The following AFF3 variants were observed in gnomAD, a reference collection of about 807,000 sequenced individuals.
AFF3 encodes ALF transcription elongation factor 3.
In AFF3, 32 loss-of-function variants were observed where a neutral mutation model predicts 129.7. The ratio of observed to expected loss-of-function variants is 0.25; its 90% CI spans 0.19 to 0.33. AFF3 has a LOEUF of 0.33. Ranked by LOEUF, AFF3 falls within the 10% of genes least tolerant of loss-of-function variation. The pLI is 1.00. For synonymous variants in AFF3, 644 were observed against 635.4 expected (o/e 1.01, Z -0.20); for missense variants, 1,373 against 1,592.0 (o/e 0.86, Z 2.34).
chr2:99,558,371 A>G (rs1675144717), intron 22 of AFF3, among the ~76,000 whole-genome samples: 1 of 152,182 alleles, frequency 6.6e-6, no homozygotes. Context: ...CTGTATTCCT[A>G]GCACTCTGGG....
chr2:99,987,308 T>C (rs1351029535), intron 7 of AFF3, among the ~76,000 whole-genome samples: 1 of 152,202 alleles, frequency 6.6e-6, no homozygotes, highest in African/African-American at 2.4e-5. Context: ...GCGAAAGTCA[T>C]AGACGATGTG....
rs562424568 is a variant in AFF3 at position 99,736,901 on chromosome 2, C to T, written c.1039+7203G>A. ...CTGGGATTACAGGCGTGAGCCACCA[C>T]GCCCGGCCTTTAAATTACTGATTTA... On this transcript the variant is annotated intron_variant, in intron 10 of 24. Transcript: ENST00000672756. 4.6e-5 allele frequency among the ~76,000 whole-genome samples: 7 copies of T among 152,288 alleles called. No individual in the cohort carries two copies. In the South Asian group the frequency reaches 8.3e-4, roughly 18 times the overall value.
intron 13 of AFF3, among the ~76,000 whole-genome samples, chr2:99,628,112 G>A (rs1317499490): frequency 1.3e-5 from 2 of 152,166 alleles, no homozygotes; most frequent in Non-Finnish European, 2.9e-5. Flanking sequence ...GAATGTCAAT[G>A]GTAGTTTAAT....
intron 7 of AFF3, among the ~76,000 whole-genome samples, chr2:99,840,053 T>C (rs1337403752): frequency 6.6e-6 from 1 of 152,242 alleles, no homozygotes; most frequent in African/African-American, 2.4e-5. Context: ...GCTTTGTATA[T>C]TCTGGATATC....
chr2:99,942,320 G>C (rs1048861222), intron 7 of AFF3, among the ~76,000 whole-genome samples: 3 of 152,074 alleles, frequency 2.0e-5, no homozygotes, highest in African/African-American at 7.2e-5. Context: ...CAGTCTCCAA[G>C]GGCTACGTTC....
In AFF3 at chr2:100,011,012, T is replaced by C. The variant is rs544518741; in HGVS notation, c.54-2080A>G. 7.2e-5 allele frequency among the ~76,000 whole-genome samples: 11 copies of C among 152,278 alleles called. No homozygotes were observed. The East Asian group carries it at 7.7e-4, about 11-fold the overall frequency. ...AAAAGCAGCCGGGCGCTGTGGCTCA[T>C]GCCTGTAATCCCAGCACTTTGGGAG... On this transcript the variant is annotated intron_variant, in intron 4 of 24. Transcript: ENST00000672756.
chr2:99,698,516 T>C (rs1232085283), intron 11 of AFF3, among the ~76,000 whole-genome samples: 1 of 152,258 alleles, frequency 6.6e-6, no homozygotes, highest in African/African-American at 2.4e-5. Context: ...TTTGGGAATC[T>C]GGCATTCTTG....
At chr2:99,928,339 T>C (rs916743564) in intron 7 of AFF3, among the ~76,000 whole-genome samples, 2 of 152,184 alleles carry the variant, frequency 1.3e-5, no homozygotes, top group African/African-American at 2.4e-5. Context: ...TTTTAAAATA[T>C]ATAAAACATT....
At chr2:100,138,806 G>A (rs914284266) in intron 1 of AFF3, among the ~76,000 whole-genome samples, 7 of 152,062 alleles carry the variant, frequency 4.6e-5, no homozygotes, top group Admixed American at 1.3e-4. Flanking sequence ...TTAGCCAGGC[G>A]TGACGGTGGG....
intron 8 of AFF3, among the ~76,000 whole-genome samples, chr2:99,799,612 T>C (rs1294326909): frequency 2.0e-5 from 3 of 152,148 alleles, no homozygotes; most frequent in African/African-American, 7.2e-5. Context: ...TGTGTGGAAA[T>C]TGACAAGTTG....
At chr2:99,988,379 A>G (rs182934044) in intron 7 of AFF3, among the ~76,000 whole-genome samples, 33 of 152,336 alleles carry the variant, frequency 2.2e-4, no homozygotes, top group Admixed American at 1.0e-3. Flanking sequence ...TTAGGGGGAC[A>G]ACAGTCAAGC....
At chr2:99,818,665 G>T (rs962256063) in intron 8 of AFF3, among the ~76,000 whole-genome samples, 1 of 152,180 alleles carries the variant, frequency 6.6e-6, no homozygotes, top group Non-Finnish European at 1.5e-5. Flanking sequence ...GTCAATAAAT[G>T]AGATAGCTGG....
At chr2:99,871,494 T>C (rs1478717649) in intron 7 of AFF3, among the ~76,000 whole-genome samples, 1 of 151,578 alleles carries the variant, frequency 6.6e-6, no homozygotes, top group Non-Finnish European at 1.5e-5. Context: ...GTGATAAAAT[T>C]ACTGTTCACC....
At chr2:99,867,564 A>C (rs1691509797) in intron 7 of AFF3, among the ~76,000 whole-genome samples, 1 of 98,584 alleles carries the variant, frequency 1.0e-5, no homozygotes, top group African/African-American at 4.1e-5. Flanking sequence ...CCCAAGGCCT[A>C]TATTTCTATA....
intron 11 of AFF3, among the ~76,000 whole-genome samples, chr2:99,692,078 C>T (rs746495005): frequency 1.1e-4 from 17 of 152,176 alleles, no homozygotes; most frequent in East Asian, 1.9e-4. Context: ...GAGCTGGCAG[C>T]GGAGCCCGTG....
At chr2:99,858,732 G>A (rs1347908735) in intron 7 of AFF3, among the ~76,000 whole-genome samples, 1 of 152,116 alleles carries the variant, frequency 6.6e-6, no homozygotes, top group Non-Finnish European at 1.5e-5. Context: ...GGGAAAAACA[G>A]TCACTGGGGA....
intron 11 of AFF3, among the ~76,000 whole-genome samples, chr2:99,687,569 C>T (rs748331014): frequency 2.0e-5 from 3 of 152,160 alleles, no homozygotes; most frequent in Admixed American, 6.5e-5. Context: ...GAGAGGTGGG[C>T]TCTCACTGGC....
chr2:99,818,086 G>T (rs1416385897), intron 8 of AFF3, among the ~76,000 whole-genome samples: 1 of 152,118 alleles, frequency 6.6e-6, no homozygotes, highest in African/African-American at 2.4e-5. Flanking sequence ...TACAGGTTGA[G>T]CATACCAAAT....
intron 4 of AFF3, among the ~76,000 whole-genome samples, chr2:100,077,428 G>T (rs559698515): frequency 6.6e-6 from 1 of 152,060 alleles, no homozygotes; most frequent in Admixed American, 6.5e-5. Flanking sequence ...AGCTCCTCTA[G>T]AAGCTGGAAA....
Sources: gnomAD v4.1 joint callset for allele counts (sites outside exome capture counted in the v4.1 genomes callset) on GRCh38, gnomAD v4.1.1 for gene constraint, MANE v1.5 for transcripts, NCBI Gene and HGNC (gene_info 2026-07-23, HGNC 2026-07-21) for gene names.